Variants in ZNF704 observed in about 807,000 individuals in gnomAD.
The protein encoded by ZNF704 is zinc finger protein 704.
In ZNF704, 10 loss-of-function variants were observed where a neutral mutation model predicts 44.7. The ratio of observed to expected loss-of-function variants is 0.22; its 90% CI spans 0.14 to 0.38. The LOEUF (loss-of-function observed/expected upper bound fraction) is 0.38. ZNF704 is among the 10% of genes least tolerant of loss of function. ZNF704 has a pLI of 1.00. For synonymous variants in ZNF704, 211 were observed against 207.6 expected, an observed-to-expected ratio of 1.02 and a Z score of -0.14; for missense variants, 390 against 545.5, an observed-to-expected ratio of 0.71 and a Z score of 2.84.
At chr8:80,657,582 A>G (rs968998947) in intron 7 of ZNF704, among the ~76,000 whole-genome samples, 4 of 151,760 alleles carry the variant, frequency 2.6e-5, no homozygotes, top group African/African-American at 9.7e-5. Flanking sequence ...AGTCCCAGCT[A>G]CTCAGGAGGC....
chr8:80,711,943 T>C (rs563128145), intron 2 of ZNF704, among the ~76,000 whole-genome samples: 1 of 152,314 alleles, frequency 6.6e-6, no homozygotes, highest in South Asian at 2.1e-4. Context: ...TTGTGAAAAG[T>C]AGTACATTGA....
chr8:80,796,658 C>A (rs1807805553), intron 2 of ZNF704, among the ~76,000 whole-genome samples: 1 of 151,984 alleles, frequency 6.6e-6, no homozygotes, highest in African/African-American at 2.4e-5. Flanking sequence ...TATCTACTTC[C>A]AAGATACAAT....
At chr8:80,864,264 T>A (rs979915967) in intron 1 of ZNF704, among the ~76,000 whole-genome samples, 3 of 152,132 alleles carry the variant, frequency 2.0e-5, no homozygotes, top group African/African-American at 7.2e-5. Context: ...GCAGTTTTAG[T>A]TATTTATCTC....
chr8:80,837,946 C>A (rs1011251324), intron 1 of ZNF704, among the ~76,000 whole-genome samples: 2 of 152,146 alleles, frequency 1.3e-5, no homozygotes, highest in African/African-American at 4.8e-5. Flanking sequence ...GCCAAGGGGT[C>A]CCACACTCTC....
At chr8:80,772,693 G>C (rs1160468224) in intron 2 of ZNF704, among the ~76,000 whole-genome samples, 1 of 152,154 alleles carries the variant, frequency 6.6e-6, no homozygotes, top group South Asian at 2.1e-4. Flanking sequence ...TGGGGACACA[G>C]AGCCAAATCC....
intron 4 of ZNF704, among the ~76,000 whole-genome samples, chr8:80,682,040 T>C (rs73692000): frequency 0.1 from 15,657 of 152,236 alleles, 2,761 homozygotes; most frequent in African/African-American, 0.36. Flanking sequence ...GTTCTTAGCA[T>C]CGCCCTCCCC....
rs562667399 is a variant in ZNF704, at chr8:80,634,531, G to C, written c.*6835C>G. The C allele has an allele frequency of 6.6e-6, 1 of 152,340 alleles. No individual in the cohort carries two copies. The highest frequency in any genetic ancestry group is 2.4e-5 in the African/African-American group (1 of 41,570). 9.4% of individuals were successfully genotyped at this position (152,340 alleles called of 1,614,324 possible). ...GTACAGCTTCTCTTTGGTCTGCACAGTGTTGGCCAAGAGTTTGAGTTAGTT... is the reference window on the plus strand; with the variant it reads ...GTACAGCTTCTCTTTGGTCTGCACACTGTTGGCCAAGAGTTTGAGTTAGTT... On this transcript the variant is annotated 3_prime_UTR_variant, in exon 9 of 9. Transcript: ENST00000327835.
intron 2 of ZNF704, among the ~76,000 whole-genome samples, chr8:80,785,267 A>G (rs373197003): frequency 3.9e-5 from 6 of 152,216 alleles, no homozygotes; most frequent in African/African-American, 1.4e-4. Context: ...CACTGGGGCT[A>G]TGGGTTTTTG....
intron 2 of ZNF704, among the ~76,000 whole-genome samples, chr8:80,714,230 T>G (rs756652970): frequency 6.6e-5 from 10 of 152,172 alleles, no homozygotes; most frequent in Non-Finnish European, 1.3e-4. Flanking sequence ...TCTCTTGAGA[T>G]GAAAGTCTAT....
chr8:80,844,056 G>A (rs933509100), intron 1 of ZNF704, among the ~76,000 whole-genome samples: 5 of 151,490 alleles, frequency 3.3e-5, no homozygotes, highest in African/African-American at 9.7e-5. Flanking sequence ...ACAATGCAGT[G>A]GAAAGAAGGG....
chr8:80,640,629 A>T lies in ZNF704; in HGVS notation c.*737T>A, dbSNP rs1817726966. On this transcript the variant is annotated 3_prime_UTR_variant, in exon 9 of 9. Transcript: ENST00000327835. ...AGAGCTTCTTATGGATCCAAGGAAG[A>T]CTCCTAGATGTTTCCCAACAGTGAC... 6.6e-6 allele frequency: 1 copy of T among 151,822 alleles called. No homozygotes were observed. Among genetic ancestry groups the T allele is most frequent in the Non-Finnish European group, 1.5e-5 (1 of 67,952 alleles). The allele number at this position is 151,822 out of a possible 1,614,324, so 9.4% of individuals were successfully genotyped here.
chr8:80,646,356 A>C (rs907911951), intron 7 of ZNF704, among the ~76,000 whole-genome samples: 2 of 152,110 alleles, frequency 1.3e-5, no homozygotes, highest in Admixed American at 1.3e-4. Flanking sequence ...ATGTGCACCT[A>C]AAGTCCCAGC....
rs1248236459 is a variant in ZNF704 at position 80,640,812 on chromosome 8, T to C, written c.*554A>G. On this transcript the variant is annotated 3_prime_UTR_variant, in exon 9 of 9. Coordinates refer to ENST00000327835, the MANE Select transcript of ZNF704 (RefSeq NM_001033723.3). ...TAAAAGAAAAACAAACAAAAAGCCA[T>C]AGAAAAGATGCCCAGAGTGCTGCGC... 3 of 152,220 alleles carry C rather than the reference T, an allele frequency of 2.0e-5. No homozygotes were observed. Among genetic ancestry groups the C allele is most frequent in the African/African-American group, 2.4e-5 (1 of 41,406 alleles). 9.4% of individuals were successfully genotyped at this position (152,220 alleles called of 1,614,324 possible). A position where few individuals can be genotyped will look rare whatever the true frequency, so the allele number is the denominator to read the frequency against.
intron 6 of ZNF704, among the ~76,000 whole-genome samples, chr8:80,662,690 C>T (rs1242381089): frequency 6.6e-6 from 1 of 152,088 alleles, no homozygotes; most frequent in African/African-American, 2.4e-5. Flanking sequence ...TACTTGGTAC[C>T]ACTGGAAAGC....
Position 80,792,690 on chromosome 8 carries a change from G to A in ZNF704, c.221+28684C>T, listed in dbSNP as rs1467624079. ...CCTCTTGCTGGCTTTGCTGAAGCAA[G>A]CTGGTATATGGGGAGGCACACATGG... is the stretch of plus-strand genomic sequence containing the variant. On this transcript the variant is annotated intron_variant, in intron 2 of 8. Coordinates refer to ENST00000327835, the MANE Select transcript of ZNF704 (RefSeq NM_001033723.3). 2.0e-5 allele frequency among the ~76,000 whole-genome samples: 3 copies of A among 152,230 alleles called. No individual in the cohort carries two copies. In the East Asian group the frequency reaches 5.8e-4, roughly 29 times the overall value.
At chr8:80,650,223 G>C (rs977629076) in intron 7 of ZNF704, among the ~76,000 whole-genome samples, 3 of 152,120 alleles carry the variant, frequency 2.0e-5, no homozygotes, top group Non-Finnish European at 4.4e-5. Flanking sequence ...AAAAACAGCA[G>C]AAAAACTGGA....
chr8:80,855,021 A>G (rs572070949), intron 1 of ZNF704, among the ~76,000 whole-genome samples: 30 of 152,310 alleles, frequency 2.0e-4, no homozygotes, highest in African/African-American at 7.2e-4. Flanking sequence ...GTTACAAACA[A>G]TCCATACAGT....
At chr8:80,877,852 A>G (rs1809377589), upstream of ZNF704, among the ~76,000 whole-genome samples, 1 of 152,220 alleles carries the variant, frequency 6.6e-6, no homozygotes, top group African/African-American at 2.4e-5. Flanking sequence ...GTCTACATGA[A>G]AAAGTAAGGG....
chr8:80,713,879 AC>A (rs1819031500), intron 2 of ZNF704, among the ~76,000 whole-genome samples: 2 of 152,176 alleles, frequency 1.3e-5, no homozygotes, highest in African/African-American at 4.8e-5. Context: ...CCTCTTCAGC[AC>A]CCCTCAGGCA....
Sources: gnomAD v4.1 joint callset for allele counts (sites outside exome capture counted in the v4.1 genomes callset) on GRCh38, gnomAD v4.1.1 for gene constraint, MANE v1.5 for transcripts, NCBI Gene and HGNC (gene_info 2026-07-23, HGNC 2026-07-21) for gene names.